The following NDST4 variants were observed in gnomAD, a reference collection of about 807,000 sequenced individuals.
NDST4 encodes the protein N-heparan sulfate sulfotransferase 4.
NDST4 carries 63 observed loss-of-function variants against 100.8 expected under a neutral mutation model. The observed-to-expected ratio is 0.62, with a 90% confidence interval of 0.51 to 0.77. The LOEUF is 0.77. NDST4 is among the 30% of genes least tolerant of loss of function. The pLI is 0.00. For synonymous variants in NDST4, 377 were observed against 361.8 expected (o/e 1.04, Z -0.48); for missense variants, 943 against 1,018.4 (o/e 0.93, Z 1.01).
intron 7 of NDST4, among the ~76,000 whole-genome samples, chr4:114,854,581 G>A (rs944852178): frequency 1.3e-5 from 2 of 151,990 alleles, no homozygotes; most frequent in African/African-American, 2.4e-5. Context: ...CGATTCTCCT[G>A]CCCCAGCCTC....
rs77219208 is a variant in NDST4 at position 115,089,804 on chromosome 4, T to G, written c.-246-12522A>C. On this transcript the variant is annotated intron_variant, in intron 1 of 13. Transcript: ENST00000264363. ...ATGATCTCAGAATCAAGCCTAAAGT[T>G]TTGAAAATTGGAAAACCAATTGCAC... 3.9e-3 allele frequency among the ~76,000 whole-genome samples: 591 copies of G among 151,984 alleles called. 3 individuals are homozygous for G. Among genetic ancestry groups the G allele is most frequent in the African/African-American group, 0.014 (564 of 41,542 alleles).
chr4:115,039,146 G>A (rs183716603), intron 2 of NDST4, among the ~76,000 whole-genome samples: 2 of 152,092 alleles, frequency 1.3e-5, no homozygotes, highest in Non-Finnish European at 2.9e-5. Context: ...AGTGGGTAGG[G>A]CCAAACTACC....
chr4:115,017,087 T>C (rs1560861148), intron 2 of NDST4, among the ~76,000 whole-genome samples: 1 of 151,972 alleles, frequency 6.6e-6, no homozygotes, highest in East Asian at 1.9e-4. Context: ...TTAAGATAAA[T>C]TGTATTGTTC....
chr4:114,946,649 G>C (rs1268211931), intron 4 of NDST4, among the ~76,000 whole-genome samples: 1 of 152,124 alleles, frequency 6.6e-6, no homozygotes, highest in Non-Finnish European at 1.5e-5. Flanking sequence ...TTAACAAAGG[G>C]GGAGATTAGC....
intron 1 of NDST4, among the ~76,000 whole-genome samples, chr4:115,097,991 T>C (rs1336323080): frequency 6.6e-6 from 1 of 152,194 alleles, no homozygotes; most frequent in Non-Finnish European, 1.5e-5. Flanking sequence ...ATCCTCAGTA[T>C]AGTTGTTTCC....
chr4:115,110,384 A>G (rs1016020469), intron 1 of NDST4, among the ~76,000 whole-genome samples: 1 of 151,986 alleles, frequency 6.6e-6, no homozygotes, highest in African/African-American at 2.4e-5. Context: ...TGACCCATTT[A>G]TCTCACTTCG....
intron 2 of NDST4, among the ~76,000 whole-genome samples, chr4:115,048,088 A>G (rs1470434788): frequency 6.9e-6 from 1 of 145,218 alleles, no homozygotes; most frequent in Non-Finnish European, 1.5e-5. Flanking sequence ...ATACAGCAGG[A>G]AGTTTATAAT....
intron 2 of NDST4, among the ~76,000 whole-genome samples, chr4:114,980,709 ATTAT>A (rs1320401964): frequency 1.3e-5 from 2 of 150,916 alleles, no homozygotes; most frequent in African/African-American, 5.0e-5. Flanking sequence ...GACAATATAC[ATTAT>A]TTATTTAATA....
At chr4:115,093,204 G>A (rs941784466) in intron 1 of NDST4, among the ~76,000 whole-genome samples, 2 of 152,106 alleles carry the variant, frequency 1.3e-5, no homozygotes, top group African/African-American at 2.4e-5. Context: ...ACATTAGAGC[G>A]GTGGCTCATG....
intron 4 of NDST4, among the ~76,000 whole-genome samples, chr4:114,964,145 C>G (rs1489624106): frequency 6.6e-6 from 1 of 152,164 alleles, no homozygotes; most frequent in African/African-American, 2.4e-5. Flanking sequence ...TGTGAGCTGC[C>G]ATCCTGAATG....
At chr4:115,014,951 C>A (rs114711095) in intron 2 of NDST4, among the ~76,000 whole-genome samples, 5 of 152,146 alleles carry the variant, frequency 3.3e-5, no homozygotes, top group Non-Finnish European at 7.4e-5. Flanking sequence ...TGTGTATGAA[C>A]AGTTCTAGGT....
intron 9 of NDST4, among the ~76,000 whole-genome samples, chr4:114,847,103 G>C (rs1378484137): frequency 7.6e-6 from 1 of 131,426 alleles, no homozygotes; most frequent in Non-Finnish European, 1.5e-5. Context: ...TCGGCCGGGC[G>C]CGGTGGCTCA....
At chr4:114,868,955 T>C (rs914603553) in intron 7 of NDST4, among the ~76,000 whole-genome samples, 1 of 148,850 alleles carries the variant, frequency 6.7e-6, no homozygotes, top group South Asian at 2.1e-4. Context: ...TATATATATA[T>C]ATATATATAT....
chr4:114,862,904 A>G (rs1260792465), intron 7 of NDST4, among the ~76,000 whole-genome samples: 1 of 152,132 alleles, frequency 6.6e-6, no homozygotes, highest in East Asian at 1.9e-4. Flanking sequence ...AGGTATTCCT[A>G]TCGGTATGTT....
chr4:115,002,881 T>C (rs938514018), intron 2 of NDST4, among the ~76,000 whole-genome samples: 1 of 152,100 alleles, frequency 6.6e-6, no homozygotes, highest in Non-Finnish European at 1.5e-5. Context: ...ATATGTACCA[T>C]GGAATACTAT....
At chr4:115,003,586 A>T (rs1486417127) in intron 2 of NDST4, among the ~76,000 whole-genome samples, 1 of 152,144 alleles carries the variant, frequency 6.6e-6, no homozygotes, top group East Asian at 1.9e-4. Flanking sequence ...AAGGGGTACT[A>T]GTACTTAGCG....
At chr4:114,883,468 C>T (rs1331729689) in intron 6 of NDST4, among the ~76,000 whole-genome samples, 1 of 151,684 alleles carries the variant, frequency 6.6e-6, no homozygotes, top group African/African-American at 2.4e-5. Flanking sequence ...AATTGATGTG[C>T]TAAAAGAAGA....
At chr4:114,948,710 A>T (rs1409404413) in intron 4 of NDST4, among the ~76,000 whole-genome samples, 1 of 152,074 alleles carries the variant, frequency 6.6e-6, no homozygotes, top group Non-Finnish European at 1.5e-5. Context: ...TCTCCAGTGT[A>T]AACATATTTG....
At chr4:115,024,439 G>A (rs1727934318) in intron 2 of NDST4, among the ~76,000 whole-genome samples, 1 of 150,240 alleles carries the variant, frequency 6.7e-6, no homozygotes, top group Admixed American at 6.6e-5. Context: ...ATTTATAACT[G>A]ATTTTTTTTC....
Sources: allele counts gnomAD v4.1 joint callset (sites outside exome capture counted in the v4.1 genomes callset), GRCh38; gene constraint gnomAD v4.1.1; transcripts MANE v1.5; gene names NCBI Gene and HGNC (gene_info 2026-07-23, HGNC 2026-07-21).